ARK2C: variants seen among roughly 807,000 people sequenced by gnomAD.
The protein encoded by ARK2C is arkadia (RNF111) C-terminal like ring finger ubiquitin ligase 2C.
chr18:46,359,747 G>T, the ARK2C span, among the ~76,000 whole-genome samples: 1 of 152,182 alleles, frequency 6.6e-6, no homozygotes, highest in Admixed American at 6.5e-5. Context: ...TTATTGCTCT[G>T]CCATTCACAA....
the ARK2C span, among the ~76,000 whole-genome samples, chr18:46,418,271 C>T: frequency 9.4e-3 from 1,424 of 152,118 alleles, 20 homozygotes; most frequent in African/African-American, 0.033. Flanking sequence ...ATGGGAGGAT[C>T]GCTTGAGCCC....
At chr18:46,433,085 G>A in the ARK2C span, 1 of 767,984 alleles carries the variant, frequency 1.3e-6, no homozygotes, top group Non-Finnish European at 2.1e-6. Context: ...CCTAATGTAG[G>A]TCTTGAGCTT....
chr18:46,407,850 A>G, the ARK2C span, among the ~76,000 whole-genome samples: 11 of 152,252 alleles, frequency 7.2e-5, no homozygotes, highest in Admixed American at 6.5e-4. Context: ...GCATTACATC[A>G]TCACAAATGT....
At chr18:46,363,130 G>GTGCTCAATAAT in the ARK2C span, among the ~76,000 whole-genome samples, 1 of 152,212 alleles carries the variant, frequency 6.6e-6, no homozygotes, top group Non-Finnish European at 1.5e-5. Flanking sequence ...TGCTCAATAA[G>GTGCTCAATAAT]TACTTGTAGA....
chr18:46,367,661 C>T, the ARK2C span, among the ~76,000 whole-genome samples: 4 of 152,166 alleles, frequency 2.6e-5, no homozygotes, highest in African/African-American at 9.7e-5. Context: ...AAGTTGTATT[C>T]ATATGACTTT....
the ARK2C span, among the ~76,000 whole-genome samples, chr18:46,370,435 T>A: frequency 6.6e-6 from 1 of 152,144 alleles, no homozygotes; most frequent in Non-Finnish European, 1.5e-5. Flanking sequence ...TCTCATGAGC[T>A]GAGGTGGATG....
chr18:46,365,787 C>T, the ARK2C span, among the ~76,000 whole-genome samples: 2 of 152,106 alleles, frequency 1.3e-5, no homozygotes, highest in Non-Finnish European at 2.9e-5. Flanking sequence ...CACTTTGCTG[C>T]TGGGTTTCCC....
chr18:46,415,569 T>G, the ARK2C span, among the ~76,000 whole-genome samples: 1 of 151,924 alleles, frequency 6.6e-6, no homozygotes, highest in Admixed American at 6.6e-5. Flanking sequence ...AATAAAAAAG[T>G]TGCTGAAGGA....
chr18:46,367,726 T>C, the ARK2C span, among the ~76,000 whole-genome samples: 9 of 152,146 alleles, frequency 5.9e-5, no homozygotes, highest in Non-Finnish European at 1.0e-4. Flanking sequence ...GCCTGTGACT[T>C]TGTGCTTTAG....
chr18:46,447,458 A>G, the ARK2C span: 3 of 1,235,788 alleles, frequency 2.4e-6, no homozygotes, highest in Non-Finnish European at 3.5e-6. Context: ...CAGCTCTGGC[A>G]GGGTGTCACT....
the ARK2C span, among the ~76,000 whole-genome samples, chr18:46,382,874 G>A: frequency 1.3e-5 from 2 of 152,214 alleles, no homozygotes; most frequent in African/African-American, 4.8e-5. Context: ...ATCCCTCCTG[G>A]ACCGTCAGAG....
At chr18:46,361,476 C>T in the ARK2C span, among the ~76,000 whole-genome samples, 1 of 152,164 alleles carries the variant, frequency 6.6e-6, no homozygotes, top group African/African-American at 2.4e-5. Flanking sequence ...CAAAAAAAGG[C>T]AGACAGTGCC....
At chr18:46,447,676 C>A in the ARK2C span, 1 of 1,614,152 alleles carries the variant, frequency 6.2e-7, no homozygotes, top group South Asian at 1.1e-5. Flanking sequence ...CCCAGAAACT[C>A]CTCCTCCACA....
the ARK2C span, among the ~76,000 whole-genome samples, chr18:46,418,801 G>T: frequency 6.6e-6 from 1 of 152,214 alleles, no homozygotes; most frequent in African/African-American, 2.4e-5. Context: ...TGTGAGGGCA[G>T]GACTGTGAAG....
the ARK2C span, among the ~76,000 whole-genome samples, chr18:46,399,385 G>A: frequency 1.3e-5 from 2 of 152,160 alleles, no homozygotes; most frequent in African/African-American, 2.4e-5. Context: ...TGTGTCCCCC[G>A]CCCCCCATTT....
chr18:46,418,678 C>G, the ARK2C span, among the ~76,000 whole-genome samples: 1 of 152,134 alleles, frequency 6.6e-6, no homozygotes, highest in Admixed American at 6.5e-5. Flanking sequence ...AGAAGGCATG[C>G]AATAAATATT....
At chr18:46,368,910 A>ACAG in the ARK2C span, among the ~76,000 whole-genome samples, 17 of 152,348 alleles carry the variant, frequency 1.1e-4, no homozygotes, top group South Asian at 3.5e-3. Flanking sequence ...AGTGTTTAGA[A>ACAG]CAGTGCATGG....
chr18:46,339,677 A>G, the ARK2C span, among the ~76,000 whole-genome samples: 1 of 152,244 alleles, frequency 6.6e-6, no homozygotes, highest in Non-Finnish European at 1.5e-5. Context: ...TTCTTTCTGA[A>G]CAAGAGAACT....
the ARK2C span, among the ~76,000 whole-genome samples, chr18:46,432,395 T>TC: frequency 1.3e-5 from 2 of 152,344 alleles, no homozygotes; most frequent in Non-Finnish European, 2.9e-5. Flanking sequence ...GTCTTTTTTT[T>TC]CCTTAAAAGT....
Sources: gnomAD v4.1 joint callset for allele counts (sites outside exome capture counted in the v4.1 genomes callset) on GRCh38, gnomAD v4.1.1 for gene constraint, MANE v1.5 for transcripts, NCBI Gene and HGNC (gene_info 2026-07-23, HGNC 2026-07-21) for gene names.